SMG5: variants seen among roughly 807,000 people sequenced by gnomAD.
The protein encoded by SMG5 is SMG5 nonsense mediated mRNA decay factor.
A neutral mutation model predicts 122.9 loss-of-function variants in SMG5; 53 were observed. That is an observed-to-expected ratio of 0.43 (90% CI 0.35 to 0.54). The LOEUF (loss-of-function observed/expected upper bound fraction) is 0.54, where lower values mean the gene tolerates loss of function less well. SMG5 is among the 20% of genes least tolerant of loss of function. SMG5 has a pLI of 0.01. For synonymous variants in SMG5, 477 were observed against 490.2 expected (o/e 0.97, Z 0.35); for missense variants, 1,153 against 1,285.6 (o/e 0.90, Z 1.58).
chr1:156,250,702 G>C (rs1342852644), intron 21 of SMG5, 32 bp from the exon 22 acceptor site: 1 of 1,610,216 alleles, frequency 6.2e-7, no homozygotes, highest in Admixed American at 1.7e-5. Context: ...GATGGAGAGG[G>C]TCTGACCTCC....
At chr1:156,251,114 G>A in intron 20 of SMG5, 118 bp from the exon 21 acceptor site, 1 of 1,374,464 alleles carries the variant, frequency 7.3e-7, no homozygotes, top group South Asian at 1.3e-5. Context: ...AGCAGCAGTG[G>A]GCCCTGGAAG....
rs1025457545 is a variant in SMG5, at chr1:156,265,793, G to A, written c.1843C>T (p.Pro615Ser). 14 of 1,613,622 alleles carry A rather than the reference G, an allele frequency of 8.7e-6. No homozygotes were observed. In the East Asian group the frequency reaches 3.1e-4, roughly 36 times the overall value. Residue 615 changes from proline to serine, a missense_variant, in exon 12 of 22, where the codon CCT (proline) becomes TCT (serine). Coordinates refer to ENST00000361813, the MANE Select transcript of SMG5 (RefSeq NM_015327.3). ...RPCVNGDVDK[P>S]SEPASEEGSE... ...GTGGTCCAAATACCTGGCTCTGAAG[G>A]CTTGTCTACATCCCCATTGACGCAA...
Position 156,272,396 on chromosome 1 carries a change from T to C in SMG5, c.637A>G (p.Met213Val), listed in dbSNP as rs1662476892. Residue 213 changes from methionine to valine, a missense_variant and splice_region_variant, in exon 7 of 22, where the codon ATG (methionine) becomes GTG (valine). This residue lies in a region of SMG5 where 85 missense variants were observed against 127.3 expected (regional missense o/e 0.67). Transcript: ENST00000361813. ...AGGGTGCCCAGCTGATTGAAGGGCA[T>C]TCCTAGGGAGAAAGAGAATTCATGC... ...QALSVAPQIG[M>V]PFNQLGTLAG... 2 of 1,599,958 alleles carry C rather than the reference T, an allele frequency of 1.3e-6. No individual in the cohort carries two copies. Among genetic ancestry groups the C allele is most frequent in the South Asian group, 2.2e-5 (2 of 89,020 alleles).
rs973406193 is a variant in SMG5 at position 156,249,973 on chromosome 1, C to T, written c.*614G>A. On this transcript the variant is annotated 3_prime_UTR_variant, in exon 22 of 22. Transcript: ENST00000361813. ...GCAGCCCCTGCAGCAGGAGGAGGAG[C>T]ACACGAACCCTGACCCTGCTACTCG... 4.7e-5 allele frequency: 22 copies of T among 470,024 alleles called. No individual in the cohort carries two copies. The highest frequency in any genetic ancestry group is 1.9e-4 in the Admixed American group (8 of 42,526). 29.1% of individuals were successfully genotyped at this position (470,024 alleles called of 1,614,324 possible).
At chr1:156,260,305 A>T in intron 15 of SMG5, 146 bp downstream of exon 15, 2 of 985,082 alleles carry the variant, frequency 2.0e-6, no homozygotes, top group Non-Finnish European at 3.0e-6. Flanking sequence ...CTGAATGAAG[A>T]AGGAAGCACA....
At position 156,258,985 on chromosome 1, in the gene SMG5, G is replaced by A; in HGVS notation, c.2442+20C>T. 2.5e-6 allele frequency: 4 copies of A among 1,613,324 alleles called. No individual in the cohort carries two copies. The highest frequency in any genetic ancestry group is 2.2e-5 in the East Asian group (1 of 44,824). ...GCCCAATGGGAGCAGAGCTGACGGG[G>A]AGGGGAAGGCCTGACTCACCATTCG... On this transcript the variant is annotated intron_variant, in intron 16 of 21. Transcript: ENST00000361813.
intron 7 of SMG5, among the ~76,000 whole-genome samples, chr1:156,270,876 G>A (rs1485465741): frequency 6.6e-6 from 1 of 152,076 alleles, no homozygotes; most frequent in Non-Finnish European, 1.5e-5. Context: ...GCGTTGTGGT[G>A]CATGTCTGTA....
rs563533137 is a variant in SMG5 at position 156,252,788 on chromosome 1, G to A, written c.2662+131C>T. On this transcript the variant is annotated intron_variant, in intron 18 of 21. Coordinates refer to ENST00000361813, the MANE Select transcript of SMG5 (RefSeq NM_015327.3). ...ATGTCCATTTCACAGATGAAGTGACGGGTTCACAAAGGTAGTAAGACTTGA... is the reference window on the plus strand; with the variant it reads ...ATGTCCATTTCACAGATGAAGTGACAGGTTCACAAAGGTAGTAAGACTTGA... 9.0e-4 allele frequency: 871 copies of A among 966,602 alleles called. 5 individuals carry two copies. In the African/African-American group the frequency reaches 0.012, roughly 13 times the overall value. The allele number at this position is 966,602 out of a possible 1,614,324, so 59.9% of individuals were successfully genotyped here.
chr1:156,252,778 A>G, intron 18 of SMG5, 141 bp downstream of exon 18: 1 of 909,552 alleles, frequency 1.1e-6, no homozygotes, highest in Non-Finnish European at 1.6e-6. Flanking sequence ...CATTTCACAG[A>G]TGAAGTGACG....
chr1:156,274,613 C>A lies in SMG5; in HGVS notation c.528G>T (p.Val176=), dbSNP rs1207393421. The change falls in exon 5 of 22, where the codon GTG becomes GTT. Residue 176 remains valine, a synonymous_variant. Transcript: ENST00000361813. ...AATTCTTACACAAATCCCCCAGATACACCAGACATCGGTGACATGCCATCT... is the reference window on the plus strand; with the variant it reads ...AATTCTTACACAAATCCCCCAGATAAACCAGACATCGGTGACATGCCATCT... ...WAQMACHRCL[V]YLGDLSRYQN... is the part of the protein sequence containing the mutation. The A allele has an allele frequency of 6.2e-7, 1 of 1,613,938 alleles. No individual in the cohort carries two copies. Among genetic ancestry groups the A allele is most frequent in the East Asian group, 2.2e-5 (1 of 44,874 alleles).
At chr1:156,282,573 T>G (rs766486172) in intron 1 of SMG5, 34 bp downstream of exon 1, 1 of 1,527,426 alleles carries the variant, frequency 6.5e-7, no homozygotes, top group Non-Finnish European at 8.8e-7. Context: ...CCCACTTCCC[T>G]CGGTGGCTGC....
chr1:156,284,058 C>T (rs554191227), upstream of SMG5, among the ~76,000 whole-genome samples: 3 of 152,210 alleles, frequency 2.0e-5, no homozygotes, highest in Admixed American at 2.0e-4. Flanking sequence ...CAGCCTACTC[C>T]GAGCACCCTT....
chr1:156,281,241 A>AC (rs1247546585), intron 1 of SMG5, among the ~76,000 whole-genome samples: 1 of 152,264 alleles, frequency 6.6e-6, no homozygotes, highest in African/African-American at 2.4e-5. Context: ...ACACAGGCAA[A>AC]CACATCAGCT....
intron 20 of SMG5, 193 bp from the exon 21 acceptor site, chr1:156,251,189 T>C: frequency 1.1e-6 from 1 of 912,682 alleles, no homozygotes; most frequent in Non-Finnish European, 1.7e-6. Context: ...AGCCTGAGCA[T>C]CGCAAGGCCC....
rs1329658450 is a variant in SMG5 at position 156,259,097 on chromosome 1, G to A, written c.2350C>T (p.Leu784=). ...HFIARLQGSI[L]QFNPEVGIFV... is the part of the protein sequence containing the mutation. ...ATGCCAACCTCTGGGTTGAACTGCA[G>A]GATGCTGCCTTGCAGGCGGGCGATG... Residue 784 remains leucine, a synonymous_variant, in exon 16 of 22, where the codon CTG becomes TTG. Coordinates refer to ENST00000361813, the MANE Select transcript of SMG5 (RefSeq NM_015327.3). The A allele has an allele frequency of 1.2e-6, 2 of 1,611,780 alleles. No homozygotes were observed.
In SMG5 at chr1:156,250,206, T is replaced by C; in HGVS notation, c.*381A>G. On this transcript the variant is annotated 3_prime_UTR_variant, in exon 22 of 22. Coordinates refer to ENST00000361813, the MANE Select transcript of SMG5 (RefSeq NM_015327.3). ...CTCCTGGCCCCAACCACCCTGCATC[T>C]TGGGTGAGGAAGAAGGGCCTCTTTT... is the stretch of plus-strand genomic sequence containing the variant. 2.9e-6 allele frequency: 1 copy of C among 349,238 alleles called. No individual in the cohort carries two copies. Among genetic ancestry groups the C allele is most frequent in the South Asian group, 2.3e-5 (1 of 43,304 alleles). 21.6% of individuals were successfully genotyped at this position (349,238 alleles called of 1,614,324 possible). A position where few individuals can be genotyped will look rare whatever the true frequency, so the allele number is the denominator to read the frequency against.
intron 4 of SMG5, among the ~76,000 whole-genome samples, chr1:156,276,127 C>CT (rs144991356): frequency 0.015 from 1,906 of 128,720 alleles, 25 homozygotes; most frequent in South Asian, 0.049. Flanking sequence ...AGAGGTTTGG[C>CT]TTTTTTTTTT....
chr1:156,289,593 C>T, the SMG5 span, among the ~76,000 whole-genome samples: 3 of 152,290 alleles, frequency 2.0e-5, no homozygotes, highest in East Asian at 3.9e-4. Context: ...GCCTGGGCGA[C>T]AGAGCGAGAC....
chr1:156,251,057 C>A (rs1661325387), intron 20 of SMG5, 61 bp from the exon 21 acceptor site: 1 of 1,581,638 alleles, frequency 6.3e-7, no homozygotes, highest in African/African-American at 1.3e-5. Flanking sequence ...AGCCCAAACA[C>A]CAGGATCTCC....
Sources: gnomAD v4.1 joint callset for allele counts (sites outside exome capture counted in the v4.1 genomes callset) on GRCh38, gnomAD v4.1.1 for gene constraint, gnomAD v4.1.1 regional missense constraint, MANE v1.5 for transcripts, NCBI Gene and HGNC (gene_info 2026-07-23, HGNC 2026-07-21) for gene names.